Variants in VANGL1 observed in about 807,000 individuals in gnomAD.
VANGL1 encodes vang-like protein 1.
Under a neutral mutation model 48.4 loss-of-function variants are expected in VANGL1, and 18 were observed. The ratio of observed to expected loss-of-function variants is 0.37; its 90% CI spans 0.26 to 0.55. The LOEUF (loss-of-function observed/expected upper bound fraction) is 0.55, where lower values mean the gene tolerates loss of function less well. Among genes scored for constraint, VANGL1 ranks in the 20% least tolerant of loss-of-function variants. The pLI is 0.81. For missense variants in VANGL1, 667 were observed against 675.8 expected (o/e 0.99, Z 0.14); for synonymous variants, 257 against 261.8 (o/e 0.98, Z 0.18).
chr1:115,672,520 T>C (rs78390823), intron 4 of VANGL1, among the ~76,000 whole-genome samples: 2,231 of 152,240 alleles, frequency 0.015, 82 homozygotes, highest in African/African-American at 0.051. Flanking sequence ...CAGTCTCCTG[T>C]GTCTCAAGAC....
intron 1 of VANGL1, among the ~76,000 whole-genome samples, chr1:115,642,442 G>T (rs915378199): frequency 2.0e-5 from 3 of 152,096 alleles, no homozygotes; most frequent in African/African-American, 4.8e-5. Flanking sequence ...CGCCCCTTCG[G>T]TGCGCGTGCC....
chr1:115,671,546 A>G (rs1652974432), intron 4 of VANGL1, among the ~76,000 whole-genome samples: 1 of 152,104 alleles, frequency 6.6e-6, no homozygotes, highest in Non-Finnish European at 1.5e-5. Context: ...TCGAGTCCAT[A>G]TCTAAATCTT....
rs1652665112 is a variant in VANGL1, at chr1:115,663,865, C to G, written c.409C>G (p.Leu137Val). The part of the protein sequence containing the change: ...PIAFILLPPI[L>V]WRDELEPCGT... Reference sequence around the variant, plus strand: ...TGCCTTCATCCTTTTACCTCCGATCCTGTGGAGGGATGAGCTGGAGCCTTG... The same window carrying G: ...TGCCTTCATCCTTTTACCTCCGATCGTGTGGAGGGATGAGCTGGAGCCTTG... Residue 137 changes from leucine to valine, a missense_variant, in exon 4 of 8, where the codon CTG becomes GTG. Coordinates refer to ENST00000355485, the MANE Select transcript of VANGL1 (RefSeq NM_138959.3). The G allele has an allele frequency of 6.2e-7, 1 of 1,614,104 alleles. No individual in the cohort carries two copies. Among genetic ancestry groups the G allele is most frequent in the Admixed American group, 1.7e-5 (1 of 60,008 alleles).
intron 1 of VANGL1, chr1:115,642,699 A>C (rs1651780733): frequency 6.6e-6 from 1 of 152,252 alleles, no homozygotes; most frequent in Admixed American, 6.5e-5. Flanking sequence ...GGAGAGCGCA[A>C]CAGGCAGGTA....
chr1:115,685,096 A>G (rs1012227686), intron 6 of VANGL1, among the ~76,000 whole-genome samples, 197 bp from the exon 7 acceptor site: 5 of 151,992 alleles, frequency 3.3e-5, no homozygotes, highest in East Asian at 3.9e-4. Context: ...CCTGTTCCAC[A>G]TGTTATTTTT....
In VANGL1 at chr1:115,685,308, G is replaced by A; in HGVS notation, c.1095G>A (p.Val365=). Residue 365 remains valine, a synonymous_variant, in exon 7 of 8, where the codon GTG becomes GTA. Coordinates refer to ENST00000355485, the MANE Select transcript of VANGL1 (RefSeq NM_138959.3). ...KKRKARLVVA[V]EEAFIHIQRL... ...CACCTTCTAGGCTGGTGGTTGCAGT[G>A]GAAGAGGCCTTCATCCACATTCAGC... is the stretch of plus-strand genomic sequence containing the variant. 1.2e-6 allele frequency: 2 copies of A among 1,614,136 alleles called. No individual in the cohort carries two copies. Among genetic ancestry groups the A allele is most frequent in the African/African-American group, 1.3e-5 (1 of 75,042 alleles).
At chr1:115,642,802 G>A (rs763127427) in intron 1 of VANGL1, 13 of 152,388 alleles carry the variant, frequency 8.5e-5, no homozygotes, top group Non-Finnish European at 1.2e-4. Flanking sequence ...CACCGCGCCG[G>A]GGCAGCCTTC....
intron 2 of VANGL1, among the ~76,000 whole-genome samples, chr1:115,652,030 C>T (rs777155312): frequency 6.4e-4 from 98 of 152,232 alleles, no homozygotes; most frequent in Middle Eastern, 3.4e-3. Context: ...TTATAGGTAT[C>T]GGCTCTCCTG....
At chr1:115,681,593 G>A (rs1041330431) in intron 4 of VANGL1, among the ~76,000 whole-genome samples, 1 of 143,428 alleles carries the variant, frequency 7.0e-6, no homozygotes, top group Non-Finnish European at 1.5e-5. Flanking sequence ...TGCAACCTCC[G>A]CCTCCTGGGT....
intron 4 of VANGL1, among the ~76,000 whole-genome samples, chr1:115,680,781 C>G (rs532205138): frequency 1.1e-3 from 171 of 152,194 alleles, no homozygotes; most frequent in African/African-American, 3.9e-3. Context: ...GCTCCCTTGT[C>G]TTGGTGTGAA....
chr1:115,645,995 C>T (rs962355465), intron 1 of VANGL1, among the ~76,000 whole-genome samples: 4 of 151,396 alleles, frequency 2.6e-5, no homozygotes, highest in Admixed American at 6.6e-5. Flanking sequence ...TTCCTTTTTG[C>T]GAAGGTTAGC....
At position 115,684,053 on chromosome 1, in the gene VANGL1, G is replaced by T; in HGVS notation, c.1056G>T (p.Arg352=). ...ELYYEEAEHE[R]RVKKRKARLV... ...ATTATGAAGAGGCCGAACATGAACG[G>T]CGAGTAAAGAAGCGGAAAGCAAGGT... Residue 352 remains arginine (R), a synonymous_variant, in exon 6 of 8, where the codon CGG becomes CGT. Coordinates refer to ENST00000355485, the MANE Select transcript of VANGL1 (RefSeq NM_138959.3). 6.2e-7 allele frequency: 1 copy of T among 1,613,974 alleles called. No homozygotes were observed. Among genetic ancestry groups the T allele is most frequent in the Non-Finnish European group, 8.5e-7 (1 of 1,179,908 alleles).
rs1400821890 is a variant in VANGL1, at chr1:115,696,934, C to A, written c.*5555C>A. ...CCCCAGGCTTTTATCTTAAAAGTGT[C>A]TTTGGCACTTCTTTTGGCACTGAAA... On this transcript the variant is annotated 3_prime_UTR_variant, in exon 8 of 8. Transcript: ENST00000355485. 6.6e-6 allele frequency: 1 copy of A among 152,150 alleles called. No homozygotes were observed. The highest frequency in any genetic ancestry group is 1.5e-5 in the Non-Finnish European group (1 of 68,014). 9.4% of individuals were successfully genotyped at this position (152,150 alleles called of 1,614,324 possible). A position where few individuals can be genotyped will look rare whatever the true frequency, so the allele number is the denominator to read the frequency against.
At chr1:115,683,289 C>A (rs1262920305) in intron 5 of VANGL1, among the ~76,000 whole-genome samples, 2 of 152,168 alleles carry the variant, frequency 1.3e-5, no homozygotes, top group East Asian at 3.9e-4. Flanking sequence ...AGTAGATCAT[C>A]CGTAAGAAAG....
chr1:115,663,566 C>T (rs1322273869), intron 3 of VANGL1, 95 bp from the exon 4 acceptor site: 3 of 1,553,382 alleles, frequency 1.9e-6, no homozygotes, highest in South Asian at 1.1e-5. Flanking sequence ...GTGAATAGGG[C>T]TGGGTAGATG....
intron 2 of VANGL1, 42 bp from the exon 3 acceptor site, chr1:115,659,595 GTTAA>G: frequency 1.2e-6 from 2 of 1,612,754 alleles, no homozygotes; most frequent in Middle Eastern, 1.7e-4. Context: ...AACCCAGAGA[GTTAA>G]TTAACATGGC....
intron 4 of VANGL1, 100 bp from the exon 5 acceptor site, chr1:115,682,264 A>G: frequency 2.0e-6 from 3 of 1,482,082 alleles, no homozygotes; most frequent in Non-Finnish European, 2.8e-6. Context: ...ATTATCTTTG[A>G]TGTTGTGTTC....
chr1:115,655,228 C>G (rs1029799967), intron 2 of VANGL1, among the ~76,000 whole-genome samples: 6 of 152,150 alleles, frequency 3.9e-5, no homozygotes, highest in African/African-American at 1.4e-4. Context: ...GGAGGAGTAA[C>G]CGGTGGGGCC....
intron 3 of VANGL1, among the ~76,000 whole-genome samples, chr1:115,663,025 TC>T (rs1242443019): frequency 6.6e-6 from 1 of 152,138 alleles, no homozygotes; most frequent in East Asian, 1.9e-4. Flanking sequence ...GACCTCCTGA[TC>T]CGTCCGCCTC....
Sources: allele counts gnomAD v4.1 joint callset (sites outside exome capture counted in the v4.1 genomes callset), GRCh38; gene constraint gnomAD v4.1.1; transcripts MANE v1.5; gene names NCBI Gene and HGNC (gene_info 2026-07-23, HGNC 2026-07-21).